CDH12: variants seen among roughly 807,000 people sequenced by gnomAD.
The protein encoded by CDH12 is cadherin 12.
A neutral mutation model predicts 74.1 loss-of-function variants in CDH12; 41 were observed. That is an observed-to-expected ratio of 0.55 (90% CI 0.43 to 0.72). The LOEUF (loss-of-function observed/expected upper bound fraction) is 0.72. CDH12 is among the 30% of genes least tolerant of loss of function. The probability of loss-of-function intolerance (pLI) is 0.00; values close to 1 mark genes in which losing one functional copy is unlikely to be tolerated. For missense variants in CDH12, 945 were observed against 977.2 expected (o/e 0.97, Z 0.44); for synonymous variants, 399 against 355.0 (o/e 1.12, Z -1.39).
chr5:22,532,350 G>GATATATATATATATATATATATATATCT (rs1737622411), intron 1 of CDH12, among the ~76,000 whole-genome samples: 1 of 27,576 alleles, frequency 3.6e-5, no homozygotes, highest in African/African-American at 1.5e-4. Flanking sequence ...ATATAAATAG[G>GATATATATATATATATATATATATATCT]ATATATATAT....
intron 9 of CDH12, among the ~76,000 whole-genome samples, chr5:21,809,202 T>C (rs1192959410): frequency 6.6e-6 from 1 of 152,244 alleles, no homozygotes; most frequent in Non-Finnish European, 1.5e-5. Flanking sequence ...ATCATGGTCA[T>C]TATAGTAATG....
chr5:22,726,097 A>G (rs1744150399), intron 1 of CDH12, among the ~76,000 whole-genome samples: 1 of 151,678 alleles, frequency 6.6e-6, no homozygotes, highest in Non-Finnish European at 1.5e-5. Context: ...CTTGTTATAT[A>G]TTTTATGTGT....
intron 6 of CDH12, among the ~76,000 whole-genome samples, chr5:21,922,965 T>TCTATA (rs1245093898): frequency 6.6e-6 from 1 of 151,864 alleles, no homozygotes; most frequent in African/African-American, 2.4e-5. Flanking sequence ...TATATCTATA[T>TCTATA]CTATATCTAT....
At chr5:22,566,855 C>T (rs1399136926) in intron 1 of CDH12, among the ~76,000 whole-genome samples, 1 of 151,906 alleles carries the variant, frequency 6.6e-6, no homozygotes, top group Non-Finnish European at 1.5e-5. Flanking sequence ...TCATAATATA[C>T]TTGACAAGTG....
chr5:22,421,665 T>C (rs1249233611), intron 2 of CDH12, among the ~76,000 whole-genome samples: 1 of 152,208 alleles, frequency 6.6e-6, no homozygotes, highest in Admixed American at 6.5e-5. Flanking sequence ...CATGTGTCTT[T>C]ATAGCAAAAT....
intron 4 of CDH12, among the ~76,000 whole-genome samples, chr5:22,208,972 G>A: frequency 6.6e-6 from 1 of 152,156 alleles, no homozygotes; most frequent in East Asian, 1.9e-4. Flanking sequence ...ACGCTGGTTG[G>A]TTGTTGGAGA....
chr5:21,868,486 A>G (rs1751449346), intron 6 of CDH12, among the ~76,000 whole-genome samples: 2 of 152,220 alleles, frequency 1.3e-5, no homozygotes, highest in Non-Finnish European at 2.9e-5. Flanking sequence ...CAAGCCCAGC[A>G]AAGTCATAGG....
chr5:22,645,449 T>C (rs529195824), intron 1 of CDH12, among the ~76,000 whole-genome samples: 1 of 152,014 alleles, frequency 6.6e-6, no homozygotes, highest in Non-Finnish European at 1.5e-5. Flanking sequence ...CTTGAACAGA[T>C]AAAGAGTTGC....
intron 2 of CDH12, among the ~76,000 whole-genome samples, chr5:22,442,878 C>G (rs1744681004): frequency 6.6e-6 from 1 of 152,104 alleles, no homozygotes; most frequent in African/African-American, 2.4e-5. Flanking sequence ...ATTGAATAAT[C>G]AGTCTAATCA....
chr5:22,172,299 C>T (rs1447702304), intron 4 of CDH12: 7 of 151,844 alleles, frequency 4.6e-5, no homozygotes, highest in African/African-American at 1.4e-4. Context: ...CAAGGATCCA[C>T]ACTTTTTCCC....
intron 4 of CDH12, among the ~76,000 whole-genome samples, chr5:22,158,201 C>G (rs1225764654): frequency 1.3e-5 from 2 of 151,968 alleles, no homozygotes; most frequent in Non-Finnish European, 2.9e-5. Flanking sequence ...CTACTTAGTA[C>G]TACTTAACTT....
Position 21,894,587 on chromosome 5 carries a change from C to T in CDH12, c.527-39797G>A, listed in dbSNP as rs180974008. On this transcript the variant is annotated intron_variant, in intron 6 of 14. Transcript: ENST00000382254. ...AAACACATACATGTACACAAATACCCACAATAAATATGCAGTTTGAAAGAA... is the reference window on the plus strand; with the variant it reads ...AAACACATACATGTACACAAATACCTACAATAAATATGCAGTTTGAAAGAA... Among the ~76,000 whole-genome samples the T allele has an allele frequency of 2.7e-3, 412 of 151,960 alleles. 2 individuals carry two copies. Among genetic ancestry groups the T allele is most frequent in the Non-Finnish European group, 4.4e-3 (301 of 67,960 alleles).
At chr5:22,308,049 T>G (rs896182611) in intron 3 of CDH12, among the ~76,000 whole-genome samples, 4 of 151,318 alleles carry the variant, frequency 2.6e-5, no homozygotes, top group African/African-American at 9.7e-5. Context: ...CCCGGCTAAT[T>G]TTTTGTATTT....
intron 4 of CDH12, among the ~76,000 whole-genome samples, chr5:22,104,887 G>A (rs1744338533): frequency 1.3e-5 from 2 of 152,092 alleles, no homozygotes; most frequent in African/African-American, 4.8e-5. Context: ...GGCTTCAACA[G>A]CAGAAATTTA....
intron 5 of CDH12, among the ~76,000 whole-genome samples, chr5:22,028,714 C>G (rs1470060444): frequency 6.6e-6 from 1 of 152,044 alleles, no homozygotes; most frequent in Non-Finnish European, 1.5e-5. Flanking sequence ...TCAATGCCAT[C>G]CCCATCAAGC....
chr5:21,871,383 A>G (rs1751608185), intron 6 of CDH12, among the ~76,000 whole-genome samples: 1 of 152,220 alleles, frequency 6.6e-6, no homozygotes, highest in Admixed American at 6.5e-5. Context: ...ATATTTACAT[A>G]TAAAGGAATT....
Position 22,150,525 on chromosome 5 carries a change from AACAC to A in CDH12, c.-187+61969_-187+61972del, listed in dbSNP as rs34902507. On this transcript the variant is annotated intron_variant, in intron 4 of 14. Transcript: ENST00000382254. ...AGAACATATATATGTATATATATAG[AACAC>A]ACACACACACATATATATATATGAA... Among the ~76,000 whole-genome samples the A allele has an allele frequency of 2.4e-3, 357 of 150,606 alleles. 1 individual carries two copies. Among genetic ancestry groups the A allele is most frequent in the African/African-American group, 8.2e-3 (338 of 41,082 alleles).
chr5:22,455,231 G>A (rs1446411830), intron 2 of CDH12, among the ~76,000 whole-genome samples: 1 of 152,094 alleles, frequency 6.6e-6, no homozygotes, highest in Non-Finnish European at 1.5e-5. Flanking sequence ...ATTTGAAGGA[G>A]GCTTTTACTA....
intron 1 of CDH12, among the ~76,000 whole-genome samples, chr5:22,757,415 G>A (rs767798269): frequency 6.6e-6 from 1 of 151,954 alleles, no homozygotes; most frequent in African/African-American, 2.4e-5. Flanking sequence ...TAGGATTATT[G>A]TTTTCATTAA....
Sources: gnomAD v4.1 joint callset for allele counts (sites outside exome capture counted in the v4.1 genomes callset) on GRCh38, gnomAD v4.1.1 for gene constraint, MANE v1.5 for transcripts, NCBI Gene and HGNC (gene_info 2026-07-23, HGNC 2026-07-21) for gene names.